Variants in GFI1B observed in about 807,000 individuals in gnomAD.
GFI1B encodes the protein zinc finger protein Gfi-1b.
Under a neutral mutation model 35.3 loss-of-function variants are expected in GFI1B, and 20 were observed. The ratio of observed to expected loss-of-function variants is 0.57; its 90% confidence interval spans 0.40 to 0.82. The LOEUF (loss-of-function observed/expected upper bound fraction) is 0.82, where lower values mean the gene tolerates loss of function less well. Among genes scored for constraint, GFI1B ranks in the 40% least tolerant of loss-of-function variants. The pLI, the probability that GFI1B is intolerant of heterozygous loss-of-function variation, is 0.00. For missense variants in GFI1B, 430 were observed against 446.3 expected (o/e 0.96, Z 0.33); for synonymous variants, 178 against 177.6 (o/e 1.00, Z -0.02).
chr9:132,962,841 C>T (rs968133740), intron 1 of GFI1B, among the ~76,000 whole-genome samples: 6 of 148,834 alleles, frequency 4.0e-5, no homozygotes, highest in African/African-American at 7.5e-5. Context: ...GAGGCCAAGG[C>T]GGGTGGATCA....
intron 1 of GFI1B, among the ~76,000 whole-genome samples, chr9:132,961,728 A>T (rs1848368553): frequency 6.6e-6 from 1 of 151,658 alleles, no homozygotes. Context: ...AGTAGCTGGG[A>T]CTACAGGTGC....
At chr9:132,945,554 G>C (rs1848057282) in exon 1 of GFI1B, 1 of 153,982 alleles carries the variant, frequency 6.5e-6, no homozygotes. Context: ...CCTTTATTGC[G>C]AGGCTGAGTA....
chr9:132,987,465 G>A (rs950724506), intron 3 of GFI1B, 46 bp downstream of exon 3: 7 of 1,611,202 alleles, frequency 4.3e-6, no homozygotes, highest in Admixed American at 1.7e-5. Flanking sequence ...GTGCCAAGGG[G>A]AGGAAGGATG....
chr9:132,958,017 G>A (rs1023673031), intron 1 of GFI1B, among the ~76,000 whole-genome samples: 4 of 152,148 alleles, frequency 2.6e-5, no homozygotes, highest in African/African-American at 7.2e-5. Context: ...GATAATCAAC[G>A]TCTGAGTCAT....
chr9:132,968,073 T>C lies in GFI1B; in HGVS notation c.-700-4652T>C, dbSNP rs551971990. On this transcript the variant is annotated intron_variant, in intron 1 of 10. Coordinates refer to the GFI1B transcript ENST00000339463. ...CTGGGATTACAGGTGTGAGCCACAG[T>C]GCCCAGCCATTCTTTTATTTATTTA... Among the ~76,000 whole-genome samples the C allele has an allele frequency of 1.8e-3, 267 of 150,316 alleles. 3 individuals are homozygous for C. Among genetic ancestry groups the C allele is most frequent in the African/African-American group, 5.5e-3 (225 of 40,696 alleles).
upstream of GFI1B, among the ~76,000 whole-genome samples, chr9:132,973,962 G>T (rs1217183360): frequency 6.6e-6 from 1 of 152,210 alleles, no homozygotes; most frequent in Non-Finnish European, 1.5e-5. Flanking sequence ...GACCAGGCTG[G>T]GCCAATCAGA....
intron 1 of GFI1B, among the ~76,000 whole-genome samples, chr9:132,961,072 C>T (rs1224844996): frequency 6.6e-6 from 1 of 152,110 alleles, no homozygotes; most frequent in Non-Finnish European, 1.5e-5. Flanking sequence ...TTAGATCCCT[C>T]TCCACACCCT....
At chr9:132,980,809 C>T (rs1330853368) in intron 1 of GFI1B, among the ~76,000 whole-genome samples, 1 of 152,170 alleles carries the variant, frequency 6.6e-6, no homozygotes, top group East Asian at 1.9e-4. Context: ...AGCATAAATC[C>T]TTCAGGTTCA....
At position 132,991,125 on chromosome 9, in the gene GFI1B, A is replaced by G. The variant is rs530642159; in HGVS notation, c.*75A>G. On this transcript the variant is annotated 3_prime_UTR_variant, in exon 7 of 7. Transcript: ENST00000372122. ...CCTGGAGGCCAGCCTCACATGCCCA[A>G]ATCTCCAGTCTCCTGGAGGTGGGAC... The G allele has an allele frequency of 1.6e-4, 206 of 1,328,298 alleles. No homozygotes were observed. In the African/African-American group the frequency reaches 2.6e-3, roughly 16 times the overall value. 82.3% of individuals were successfully genotyped at this position (1,328,298 alleles called of 1,614,324 possible).
intron 1 of GFI1B, among the ~76,000 whole-genome samples, chr9:132,982,290 C>G (rs1230745805): frequency 1.3e-5 from 2 of 152,156 alleles, no homozygotes; most frequent in Admixed American, 1.3e-4. Context: ...AAACCAAGCC[C>G]CAGGTTGGTG....
chr9:132,966,912 T>G (rs1848458906), intron 1 of GFI1B, among the ~76,000 whole-genome samples: 1 of 152,216 alleles, frequency 6.6e-6, no homozygotes, highest in South Asian at 2.1e-4. Context: ...ATAATGTTTA[T>G]TCAGGAATAG....
intron 1 of GFI1B, among the ~76,000 whole-genome samples, chr9:132,962,285 G>A (rs950700762): frequency 5.3e-5 from 8 of 151,648 alleles, no homozygotes; most frequent in Non-Finnish European, 8.8e-5. Flanking sequence ...CCACAGATGC[G>A]AGCCACCATG....
At chr9:132,979,848 A>G (rs1323781080) in intron 1 of GFI1B, among the ~76,000 whole-genome samples, 4 of 152,162 alleles carry the variant, frequency 2.6e-5, no homozygotes, top group Admixed American at 2.6e-4. Flanking sequence ...TTCCGGGGAG[A>G]AAGTCCAGAG....
Position 132,989,058 on chromosome 9 carries a change from C to T in GFI1B, c.511-3C>T. 6.2e-7 allele frequency: 1 copy of T among 1,614,000 alleles called. No homozygotes were observed. The highest frequency in any genetic ancestry group is 8.5e-7 in the Non-Finnish European group (1 of 1,179,876). Reference sequence around the variant, plus strand: ...TGGCCTCACATGCTGCCCCTGCTCCCAGGTCTTCTCCACCCCTCACGGGCT... The same window carrying T: ...TGGCCTCACATGCTGCCCCTGCTCCTAGGTCTTCTCCACCCCTCACGGGCT... On this transcript the variant is annotated splice_region_variant and splice_polypyrimidine_tract_variant and intron_variant, in intron 4 of 6. Transcript: ENST00000372122. The surrounding 1 kb of genome is among the most constrained non-coding windows in gnomAD (Gnocchi z 6.2).
chr9:132,954,580 AAAAAAAAAAG>A (rs1336718024), intron 1 of GFI1B, among the ~76,000 whole-genome samples: 1 of 141,294 alleles, frequency 7.1e-6, no homozygotes. Flanking sequence ...GTCTCAAAAA[AAAAAAAAAAG>A]AAAAGAAAAA....
At chr9:132,970,018 C>A (rs749897042) in intron 1 of GFI1B, among the ~76,000 whole-genome samples, 1 of 152,206 alleles carries the variant, frequency 6.6e-6, no homozygotes, top group Non-Finnish European at 1.5e-5. Context: ...TCCCCCACCT[C>A]AGCCTCCCGC....
At chr9:132,950,983 G>C (rs1848192999) in intron 1 of GFI1B, among the ~76,000 whole-genome samples, 1 of 151,922 alleles carries the variant, frequency 6.6e-6, no homozygotes, top group Non-Finnish European at 1.5e-5. Context: ...GACCACAGGA[G>C]TGTGGTATCA....
rs1309660620 is a variant in GFI1B, at chr9:132,988,183, C to T, written c.239-14C>T. 8.7e-6 allele frequency: 14 copies of T among 1,611,866 alleles called. No individual in the cohort carries two copies. The East Asian group carries it at 8.9e-5, about 10-fold the overall frequency. ...TTTAAATGAGTAACCAGGCCTGTGTCGTTATCTCCACAGAGGGCCCCATTG... is the reference window on the plus strand; with the variant it reads ...TTTAAATGAGTAACCAGGCCTGTGTTGTTATCTCCACAGAGGGCCCCATTG... On this transcript the variant is annotated splice_polypyrimidine_tract_variant and intron_variant, in intron 3 of 6. Transcript: ENST00000372122.
chr9:132,988,910 C>CAGCA (rs1849179883), intron 4 of GFI1B, 151 bp from the exon 5 acceptor site: 1 of 749,568 alleles, frequency 1.3e-6, no homozygotes, highest in African/African-American at 1.7e-5. Context: ...CTGGGACACA[C>CAGCA]AGCAAGCAAG....
Sources: gnomAD v4.1 joint callset for allele counts (sites outside exome capture counted in the v4.1 genomes callset) on GRCh38, gnomAD v4.1.1 for gene constraint, Gnocchi (gnomAD v3.1) non-coding constraint, MANE v1.5 for transcripts, NCBI Gene and HGNC (gene_info 2026-07-23, HGNC 2026-07-21) for gene names.